Variants in TYROBP observed in about 807,000 individuals in gnomAD.
The protein encoded by TYROBP is transmembrane immune signaling adaptor TYROBP, also known as TYRO protein tyrosine kinase-binding protein.
TYROBP carries 14 observed loss-of-function variants against 17.1 expected under a neutral mutation model. The observed-to-expected ratio is 0.82, with a 90% CI of 0.54 to 1.28. TYROBP has a LOEUF of 1.28. Ranked by LOEUF, TYROBP falls within the 50% of genes most tolerant of loss-of-function variation. The probability of loss-of-function intolerance (pLI) is 0.00; values close to 1 mark genes in which losing one functional copy is unlikely to be tolerated. For missense variants in TYROBP, 161 were observed against 151.4 expected (o/e 1.06, Z -0.33); for synonymous variants, 73 against 67.4 (o/e 1.08, Z -0.41).
At chr19:35,906,937 G>A (rs992252967) in intron 4 of TYROBP, among the ~76,000 whole-genome samples, 32 of 152,040 alleles carry the variant, frequency 2.1e-4, no homozygotes, top group African/African-American at 6.3e-4. Context: ...TGTTGGTCTC[G>A]AACTCCTGAC....
intron 1 of TYROBP, 42 bp downstream of exon 1, chr19:35,908,126 G>A: frequency 6.3e-7 from 1 of 1,586,508 alleles, no homozygotes; most frequent in Non-Finnish European, 8.6e-7. Context: ...CCCAAGCTGA[G>A]CCCAGGGACC....
At chr19:35,905,976 G>A (rs1308130606) in intron 4 of TYROBP, among the ~76,000 whole-genome samples, 1 of 151,028 alleles carries the variant, frequency 6.6e-6, no homozygotes, top group Non-Finnish European at 1.5e-5. Flanking sequence ...AATTAAAGTA[G>A]AGAAAGAAAA....
chr19:35,908,193 G>A lies in TYROBP; in HGVS notation c.36C>T (p.Leu12=), dbSNP rs201257797. The change falls in exon 1 of 5, where the codon CTC becomes CTT. Residue 12 remains leucine (L), a synonymous_variant. Coordinates refer to ENST00000262629, the MANE Select transcript of TYROBP (RefSeq NM_003332.4). ...GGLEPCSRLL[L]LPLLLAVSGL... ...CACTTACAGCCAGCAGGAGAGGCAG[G>A]AGCAGGAGCCTGCTGCAGGGTTCAA... 5 of 1,613,956 alleles carry A rather than the reference G, an allele frequency of 3.1e-6. No individual in the cohort carries two copies. In the East Asian group the frequency reaches 8.9e-5, roughly 29 times the overall value.
chr19:35,907,467 G>C lies in TYROBP; in HGVS notation c.208C>G (p.Arg70Gly), dbSNP rs200264632. The C allele has an allele frequency of 6.2e-7, 1 of 1,606,222 alleles. No individual in the cohort carries two copies. Among genetic ancestry groups the C allele is most frequent in the Non-Finnish European group, 8.5e-7 (1 of 1,176,558 alleles). The change falls in exon 3 of 5, where the codon CGG (arginine) becomes GGG (glycine). Residue 70 changes from arginine (R) to glycine (G), a missense_variant. Transcript: ENST00000262629. ...AVYFLGRLVP[R>G]GRGAAEAATR... Reference sequence around the variant, plus strand: ...TCACCCTCCGCAGCCCCTCGCCCCCGAGGGACCAGCCGGCCCAGGAAGTAC... The same window carrying C: ...TCACCCTCCGCAGCCCCTCGCCCCCCAGGGACCAGCCGGCCCAGGAAGTAC...
chr19:35,907,627 G>C (rs762374639), intron 2 of TYROBP, 47 bp from the exon 3 acceptor site: 2 of 1,613,734 alleles, frequency 1.2e-6, no homozygotes. Flanking sequence ...GGGAACTGTG[G>C]GGAGGGGGGT....
chr19:35,907,623 T>C (rs769117922), intron 2 of TYROBP, 43 bp from the exon 3 acceptor site: 1 of 1,613,568 alleles, frequency 6.2e-7, no homozygotes, highest in South Asian at 1.1e-5. Context: ...TGCTGGGAAC[T>C]GTGGGGAGGG....
chr19:35,908,006 T>C (rs1444192275), intron 1 of TYROBP, among the ~76,000 whole-genome samples, 162 bp downstream of exon 1: 1 of 152,036 alleles, frequency 6.6e-6, no homozygotes, highest in Admixed American at 6.6e-5. Context: ...ACGACAAAAC[T>C]TGGGGGCTTG....
intron 4 of TYROBP, among the ~76,000 whole-genome samples, chr19:35,905,533 C>G (rs1009104058): frequency 1.3e-5 from 2 of 151,932 alleles, no homozygotes; most frequent in Admixed American, 6.6e-5. Flanking sequence ...AGAGCTTCAG[C>G]CAGGCATGGT....
At chr19:35,907,298 A>G in intron 3 of TYROBP, 34 bp from the exon 4 acceptor site, 1 of 1,612,624 alleles carries the variant, frequency 6.2e-7, no homozygotes, top group Non-Finnish European at 8.5e-7. Context: ...GTGCAGAGAC[A>G]GGCAGAGTGG....
Position 35,907,494 on chromosome 19 carries a change from C to T in TYROBP, c.181G>A (p.Val61Met), listed in dbSNP as rs1161128916. 1.9e-6 allele frequency: 3 copies of T among 1,613,522 alleles called. No homozygotes were observed. Among genetic ancestry groups the T allele is most frequent in the African/African-American group, 2.7e-5 (2 of 74,918 alleles). ...LVLTVLIALA[V>M]YFLGRLVPRG... is the part of the protein sequence containing the mutation. The stretch of plus-strand genomic sequence containing the variant: ...GGGACCAGCCGGCCCAGGAAGTACA[C>T]GGCCAGGGCAATGAGCACTGTCAGC... Residue 61 changes from valine (V) to methionine (M), a missense_variant, in exon 3 of 5, where the codon GTG becomes ATG. Val to Met is a conservative substitution (Grantham distance 21, BLOSUM62 1). Transcript: ENST00000262629.
chr19:35,907,091 TGCCTTCAA>T, intron 4 of TYROBP, 119 bp downstream of exon 4: 1 of 905,592 alleles, frequency 1.1e-6, no homozygotes, highest in Admixed American at 2.0e-5. Flanking sequence ...ATGTCCCATG[TGCCTTCAA>T]GGTTTGGGGG....
rs149422407 is a variant in TYROBP at position 35,905,770 on chromosome 19, T to C, written c.277-1136A>G. The stretch of plus-strand genomic sequence containing the variant: ...GAGATTGAGACCAGCCTGGCCAACA[T>C]AGTGAAACCCCATCTCTACTAAAAA... On this transcript the variant is annotated intron_variant, in intron 4 of 4. Coordinates refer to ENST00000262629, the MANE Select transcript of TYROBP (RefSeq NM_003332.4). Among the ~76,000 whole-genome samples the C allele has an allele frequency of 9.0e-3, 1,368 of 151,452 alleles. 19 individuals carry two copies. Among genetic ancestry groups the C allele is most frequent in the African/African-American group, 0.031 (1,265 of 41,286 alleles).
Position 35,907,462 on chromosome 19 carries a change from C to G in TYROBP, c.213G>C (p.Gly71=). The G allele has an allele frequency of 6.2e-7, 1 of 1,613,348 alleles. No homozygotes were observed. The highest frequency in any genetic ancestry group is 8.5e-7 in the Non-Finnish European group (1 of 1,179,942). Residue 71 remains glycine (G), a synonymous_variant, in exon 3 of 5, where the codon GGG becomes GGC. Transcript: ENST00000262629. ...CCCACTCACCCTCCGCAGCCCCTCG[C>G]CCCCGAGGGACCAGCCGGCCCAGGA... ...VYFLGRLVPR[G]RGAAEAATRK...
chr19:35,908,250 C>T lies in TYROBP; in HGVS notation c.-22G>A, dbSNP rs1199432563. ...CCATGAAGCCGGATGCTGCTGGACACCACAGTGTAAGGGCCGGTGGGATGT... is the reference window on the plus strand; with the variant it reads ...CCATGAAGCCGGATGCTGCTGGACATCACAGTGTAAGGGCCGGTGGGATGT... On this transcript the variant is annotated 5_prime_UTR_variant, in exon 1 of 5. It adds an upstream start codon to the 5' untranslated region. Transcript: ENST00000262629. 6.2e-7 allele frequency: 1 copy of T among 1,611,388 alleles called. No homozygotes were observed. Among genetic ancestry groups the T allele is most frequent in the East Asian group, 2.2e-5 (1 of 44,882 alleles).
At position 35,904,575 on chromosome 19, in the gene TYROBP, G is replaced by C; in HGVS notation, c.336C>G (p.Tyr112Ter). 1 of 1,613,664 alleles carries C rather than the reference G, an allele frequency of 6.2e-7. No homozygotes were observed. The highest frequency in any genetic ancestry group is 8.5e-7 in the Non-Finnish European group (1 of 1,179,892). The change falls in exon 5 of 5, where the codon TAC (tyrosine) becomes TAG (stop). Residue 112 changes from tyrosine to a stop codon, truncating the protein, a stop_gained. Coordinates refer to ENST00000262629, the MANE Select transcript of TYROBP (RefSeq NM_003332.4). LOFTEE classifies it high-confidence loss of function. ...TGACTGTCATGATTCGGGCTCATTT[G>C]TAATACGGCCTCTGTGTGTTGAGGT... ...YSDLNTQRPYYK is the reference protein window; with the variant it reads ...YSDLNTQRPY
rs75330483 is a variant in TYROBP at position 35,904,661 on chromosome 19, A to C, written c.277-27T>G. 6,517 of 1,606,250 alleles carry C rather than the reference A, an allele frequency of 4.1e-3. 101 individuals carry two copies. The East Asian group carries it at 0.041, about 10-fold the overall frequency. On this transcript the variant is annotated intron_variant, in intron 4 of 4. Coordinates refer to ENST00000262629, the MANE Select transcript of TYROBP (RefSeq NM_003332.4). The stretch of plus-strand genomic sequence containing the variant: ...TAAAGGAATGGGGGCCATCAGTGGA[A>C]GGGACCCACCAAATAAAATCCAGCC...
At chr19:35,907,392 C>G (rs753219755) in intron 3 of TYROBP, 54 bp downstream of exon 3, 2 of 1,579,618 alleles carry the variant, frequency 1.3e-6, no homozygotes, top group South Asian at 1.1e-5. Flanking sequence ...TTTACCCAGC[C>G]CCCCACCCCC....
chr19:35,907,356 C>T, intron 3 of TYROBP, 90 bp downstream of exon 3: 1 of 1,606,690 alleles, frequency 6.2e-7, no homozygotes, highest in African/African-American at 1.3e-5. Context: ...CCATTACCAT[C>T]CCTTTGGATG....
At chr19:35,905,009 A>G (rs1250827399) in intron 4 of TYROBP, among the ~76,000 whole-genome samples, 2 of 151,846 alleles carry the variant, frequency 1.3e-5, no homozygotes, top group African/African-American at 4.8e-5. Flanking sequence ...GTGCCTCCCA[A>G]AATTATTTTA....
Sources: allele counts gnomAD v4.1 joint callset (sites outside exome capture counted in the v4.1 genomes callset), GRCh38; gene constraint gnomAD v4.1.1; transcripts MANE v1.5; gene names NCBI Gene and HGNC (gene_info 2026-07-23, HGNC 2026-07-21).